Variants in TULP4 observed in about 807,000 individuals in gnomAD.
TULP4 encodes the protein TUB like protein 4.
Under a neutral mutation model 129.0 loss-of-function variants are expected in TULP4, and 16 were observed. That is an observed-to-expected ratio of 0.12 (90% CI 0.08 to 0.19). The LOEUF (loss-of-function observed/expected upper bound fraction) is 0.19. Ranked by LOEUF, TULP4 falls within the 10% of genes least tolerant of loss-of-function variation. TULP4 has a pLI of 1.00. For missense variants in TULP4, 1,842 were observed against 2,059.1 expected (o/e 0.89, Z 2.04); for synonymous variants, 998 against 854.0 (o/e 1.17, Z -2.94).
chr6:158,330,782 CTTT>C (rs1273730601), intron 1 of TULP4, among the ~76,000 whole-genome samples: 1 of 152,142 alleles, frequency 6.6e-6, no homozygotes, highest in Non-Finnish European at 1.5e-5. Flanking sequence ...TGTTAGGTAT[CTTT>C]AGACCCCTGT....
intron 1 of TULP4, among the ~76,000 whole-genome samples, chr6:158,296,972 T>TAAAC (rs1401617893): frequency 6.6e-6 from 1 of 152,180 alleles, no homozygotes; most frequent in African/African-American, 2.4e-5. Flanking sequence ...ATAAACATCT[T>TAAAC]AACAGAAAAC....
At chr6:158,379,842 T>A (rs1407980223) in intron 1 of TULP4, among the ~76,000 whole-genome samples, 1 of 152,016 alleles carries the variant, frequency 6.6e-6, no homozygotes, top group Non-Finnish European at 1.5e-5. Flanking sequence ...GACATTGAAA[T>A]GGAGATGGTA....
chr6:158,449,457 C>A (rs1424765376), intron 4 of TULP4, among the ~76,000 whole-genome samples: 1 of 151,960 alleles, frequency 6.6e-6, no homozygotes, highest in African/African-American at 2.4e-5. Context: ...CATGGCTCTT[C>A]CTGTGTCCCT....
intron 6 of TULP4, among the ~76,000 whole-genome samples, chr6:158,467,427 G>A (rs933977540): frequency 2.6e-5 from 4 of 151,912 alleles, no homozygotes; most frequent in Admixed American, 6.6e-5. Context: ...TTACAGGCGC[G>A]TGCCACCACA....
chr6:158,376,671 C>T (rs1372374170), intron 1 of TULP4, among the ~76,000 whole-genome samples: 1 of 152,174 alleles, frequency 6.6e-6, no homozygotes, highest in African/African-American at 2.4e-5. Context: ...TCTGCCACAG[C>T]CTCAGAGGCT....
intron 4 of TULP4, among the ~76,000 whole-genome samples, chr6:158,449,896 T>A (rs1217559710): frequency 6.6e-6 from 1 of 152,230 alleles, no homozygotes; most frequent in Non-Finnish European, 1.5e-5. Flanking sequence ...AAAATTGAGA[T>A]ACAATAATTG....
chr6:158,427,666 G>C (rs1018491290), intron 2 of TULP4, among the ~76,000 whole-genome samples: 1 of 151,274 alleles, frequency 6.6e-6, no homozygotes, highest in African/African-American at 2.4e-5. Flanking sequence ...GCTAATTTTT[G>C]TATTTTTAGT....
At chr6:158,369,881 A>G (rs1430236642) in intron 1 of TULP4, among the ~76,000 whole-genome samples, 2 of 152,058 alleles carry the variant, frequency 1.3e-5, no homozygotes, top group African/African-American at 2.4e-5. Flanking sequence ...TGTACATGAG[A>G]TGCACATTCA....
At chr6:158,406,435 A>G (rs1777979141) in intron 1 of TULP4, among the ~76,000 whole-genome samples, 1 of 152,198 alleles carries the variant, frequency 6.6e-6, no homozygotes, top group South Asian at 2.1e-4. Context: ...GTGATTTGCA[A>G]CCTCAATGAA....
chr6:158,237,604 C>T (rs1170618356), intron 1 of TULP4: 1 of 1,457,784 alleles, frequency 6.9e-7, no homozygotes, highest in African/African-American at 1.4e-5. Flanking sequence ...GTAGAAAGAA[C>T]ATTCTTGCAT....
intron 1 of TULP4, among the ~76,000 whole-genome samples, chr6:158,341,376 G>T (rs1426225587): frequency 6.6e-6 from 1 of 152,040 alleles, no homozygotes; most frequent in Non-Finnish European, 1.5e-5. Context: ...TTGGTTATTT[G>T]ACTGGTGCTA....
At position 158,447,915 on chromosome 6, in the gene TULP4, A is replaced by G. The variant is rs540467526; in HGVS notation, c.544-1081A>G. 2.0e-5 allele frequency among the ~76,000 whole-genome samples: 3 copies of G among 152,346 alleles called. No homozygotes were observed. The East Asian group carries it at 5.8e-4, about 29-fold the overall frequency. On this transcript the variant is annotated intron_variant, in intron 3 of 13. Transcript: ENST00000367097. ...AGATCCCATTAGACACAAAAGATGT[A>G]AAGTTTTTAATGGCAACCAATGCAG...
chr6:158,345,171 A>G (rs1780271053), intron 1 of TULP4, among the ~76,000 whole-genome samples: 1 of 152,264 alleles, frequency 6.6e-6, no homozygotes, highest in Admixed American at 6.5e-5. Flanking sequence ...GAAAGAAGCC[A>G]TCTTTATAAC....
At chr6:158,450,234 G>A (rs934201613) in intron 4 of TULP4, among the ~76,000 whole-genome samples, 4 of 152,172 alleles carry the variant, frequency 2.6e-5, no homozygotes, top group African/African-American at 9.7e-5. Flanking sequence ...TGCTTACACT[G>A]CTGTGTGCCC....
Position 158,472,874 on chromosome 6 carries a change from T to A in TULP4, c.1027-6877T>A, listed in dbSNP as rs562705932. ...TTCCTTTCTGTCCTACATGTTGTAA[T>A]GTAAAATTCTGTAATTTATCTCATT... On this transcript the variant is annotated intron_variant, in intron 6 of 13. Transcript: ENST00000367097. Among the ~76,000 whole-genome samples, 27 of 152,268 alleles carry A rather than the reference T, an allele frequency of 1.8e-4. 1 individual carries two copies. In the South Asian group the frequency reaches 4.6e-3, roughly 26 times the overall value.
chr6:158,357,315 C>G (rs1036446523), intron 1 of TULP4, among the ~76,000 whole-genome samples: 12 of 152,184 alleles, frequency 7.9e-5, no homozygotes, highest in African/African-American at 2.9e-4. Context: ...TACCAGCAGG[C>G]CTGGGCAGAG....
At chr6:158,484,846 G>A (rs554760153) in intron 8 of TULP4, among the ~76,000 whole-genome samples, 35 of 152,248 alleles carry the variant, frequency 2.3e-4, no homozygotes, top group African/African-American at 7.0e-4. Flanking sequence ...GCGTACACAC[G>A]TGCTCTTGCA....
In TULP4 at chr6:158,480,956, G is replaced by A. The variant is rs558956092; in HGVS notation, c.1252-99G>A. ...CCCAGCCTGTGCTCTGTCTGGAACA[G>A]TAGCGTTTTTAGTTGACCTGCCCCC... is the stretch of plus-strand genomic sequence containing the variant. On this transcript the variant is annotated intron_variant, in intron 7 of 13. Transcript: ENST00000367097. 32 of 1,058,126 alleles carry A rather than the reference G, an allele frequency of 3.0e-5. No individual in the cohort carries two copies. In the Admixed American group the frequency reaches 6.9e-4, roughly 23 times the overall value. The allele number at this position is 1,058,126 out of a possible 1,614,324, so 65.5% of individuals were successfully genotyped here.
intron 1 of TULP4, among the ~76,000 whole-genome samples, chr6:158,314,629 G>C (rs1416115601): frequency 6.6e-6 from 1 of 152,188 alleles, no homozygotes; most frequent in Non-Finnish European, 1.5e-5. Context: ...CGTGCTCCAA[G>C]TCTACATGGC....
Sources: allele counts gnomAD v4.1 joint callset (sites outside exome capture counted in the v4.1 genomes callset), GRCh38; gene constraint gnomAD v4.1.1; transcripts MANE v1.5; gene names NCBI Gene and HGNC (gene_info 2026-07-23, HGNC 2026-07-21).